The following YBX1 variants were observed in gnomAD, a reference collection of about 807,000 sequenced individuals.
The protein encoded by YBX1 is Y-box binding protein 1.
A neutral mutation model predicts 41.4 loss-of-function variants in YBX1; 3 were observed. That is an observed-to-expected ratio of 0.07 (90% CI 0.03 to 0.19). YBX1 has a LOEUF of 0.19. YBX1 is among the 10% of genes least tolerant of loss of function. The pLI is 1.00. For missense variants in YBX1, 274 were observed against 462.8 expected, an observed-to-expected ratio of 0.59 and a Z score of 3.74; for synonymous variants, 133 against 165.8, an observed-to-expected ratio of 0.80 and a Z score of 1.52.
intron 2 of YBX1, 108 bp downstream of exon 2, chr1:42,683,574 C>A (rs1373729971): frequency 2.5e-6 from 3 of 1,186,324 alleles, no homozygotes; most frequent in Non-Finnish European, 2.5e-6. Flanking sequence ...TTCTGAAAGG[C>A]GTTTACTACC....
rs1314131543 is a variant in YBX1, at chr1:42,702,744, A to G, written c.*795A>G. Among the ~76,000 whole-genome samples the G allele has an allele frequency of 3.3e-5, 5 of 152,342 alleles. No individual in the cohort carries two copies. The highest frequency in any genetic ancestry group is 3.9e-4 in the East Asian group (2 of 5,190). On this transcript the variant is annotated 3_prime_UTR_variant, in exon 8 of 8. Transcript: ENST00000321358. ...TTCAGTGTGTCAATTGAAGATGCCA[A>G]TTGAAGTGTTAGGACAACCTGTCAC...
chr1:42,693,758 T>C (rs1650395850), intron 3 of YBX1, among the ~76,000 whole-genome samples: 2 of 152,228 alleles, frequency 1.3e-5, no homozygotes, highest in African/African-American at 4.8e-5. Flanking sequence ...CTTTCTCAAA[T>C]GTTGAGTCAA....
At chr1:42,689,362 AGTTTTTATAACCACAGGATT>A (rs1434373638) in intron 2 of YBX1, among the ~76,000 whole-genome samples, 1 of 152,166 alleles carries the variant, frequency 6.6e-6, no homozygotes, top group Non-Finnish European at 1.5e-5. Flanking sequence ...TAAATCCTGG[AGTTTTTATAACCACAGGATT>A]GTAAATTAGT....
At position 42,682,463 on chromosome 1, in the gene YBX1, G is replaced by A. The variant is rs1386682907; in HGVS notation, c.-103G>A. 9.5e-6 allele frequency: 12 copies of A among 1,261,236 alleles called. No individual in the cohort carries two copies. Among genetic ancestry groups the A allele is most frequent in the Non-Finnish European group, 1.2e-5 (12 of 987,750 alleles). The allele number at this position is 1,261,236 out of a possible 1,614,324, so 78.1% of individuals were successfully genotyped here. The stretch of plus-strand genomic sequence containing the variant: ...TAGCGGGAGCGGAGAGCGGACCCCA[G>A]AGAGCCCTGAGCAGCCCCACCGCCG... On this transcript the variant is annotated 5_prime_UTR_variant, in exon 1 of 8. Coordinates refer to ENST00000321358, the MANE Select transcript of YBX1 (RefSeq NM_004559.5).
In YBX1 at chr1:42,703,800, AC is replaced by A. The variant is rs1473254393; in HGVS notation, c.*1852del. On this transcript the variant is annotated 3_prime_UTR_variant, in exon 8 of 8. Coordinates refer to ENST00000321358, the MANE Select transcript of YBX1 (RefSeq NM_004559.5). ...GTTGCCAACATTAAATGCAGTTTCAACTTAATGATTTTCTGACTTGTGGTTT... is the reference window on the plus strand; with the variant it reads ...GTTGCCAACATTAAATGCAGTTTCAATTAATGATTTTCTGACTTGTGGTTT... Among the ~76,000 whole-genome samples the A allele has an allele frequency of 6.6e-6, 1 of 152,228 alleles. No individual in the cohort carries two copies. Among genetic ancestry groups the A allele is most frequent in the Non-Finnish European group, 1.5e-5 (1 of 68,030 alleles).
At chr1:42,683,828 G>A (rs1347922224) in intron 2 of YBX1, among the ~76,000 whole-genome samples, 1 of 152,082 alleles carries the variant, frequency 6.6e-6, no homozygotes, top group African/African-American at 2.4e-5. Context: ...ATTGAACTCG[G>A]TATTTGAGAA....
chr1:42,702,791 A>G lies in YBX1; in HGVS notation c.*842A>G, dbSNP rs1650636687. ...TCACACTGCCTGGTGTGGTCATCAAATATTGGTTCAGCTCCTTATGTCCTA... is the reference window on the plus strand; with the variant it reads ...TCACACTGCCTGGTGTGGTCATCAAGTATTGGTTCAGCTCCTTATGTCCTA... On this transcript the variant is annotated 3_prime_UTR_variant, in exon 8 of 8. Transcript: ENST00000321358. Among the ~76,000 whole-genome samples the G allele has an allele frequency of 6.6e-6, 1 of 152,222 alleles. No individual in the cohort carries two copies. The highest frequency in any genetic ancestry group is 1.5e-5 in the Non-Finnish European group (1 of 68,046).
At chr1:42,690,210 C>T (rs1291832507) in intron 2 of YBX1, among the ~76,000 whole-genome samples, 4 of 146,144 alleles carry the variant, frequency 2.7e-5, no homozygotes, top group African/African-American at 1.0e-4. Context: ...GACTCCATCT[C>T]AAAAAAAAAT....
chr1:42,695,054 G>A (rs565489775), intron 3 of YBX1, among the ~76,000 whole-genome samples: 1 of 152,360 alleles, frequency 6.6e-6, no homozygotes, highest in African/African-American at 2.4e-5. Flanking sequence ...CTATGTGACA[G>A]TTTAGATGAC....
In YBX1 at chr1:42,682,737, G is replaced by C; in HGVS notation, c.166+6G>C. The C allele has an allele frequency of 8.1e-7, 1 of 1,229,696 alleles. No individual in the cohort carries two copies. The highest frequency in any genetic ancestry group is 1.0e-6 in the Non-Finnish European group (1 of 988,974). The allele number at this position is 1,229,696 out of a possible 1,614,324, so 76.2% of individuals were successfully genotyped here. On this transcript the variant is annotated splice_donor_region_variant and intron_variant, in intron 1 of 7. Transcript: ENST00000321358. Reference sequence around the variant, plus strand: ...CGGGGACAAGAAGGTCATCGGTGAGGACCGGACAGGGACGGGGGTGGGGCC... The same window carrying C: ...CGGGGACAAGAAGGTCATCGGTGAGCACCGGACAGGGACGGGGGTGGGGCC...
At chr1:42,686,914 GC>G (rs1330971406) in intron 2 of YBX1, among the ~76,000 whole-genome samples, 1 of 152,130 alleles carries the variant, frequency 6.6e-6, no homozygotes, top group Non-Finnish European at 1.5e-5. Context: ...CTGCTCTTAT[GC>G]TGTCTCTGAA....
At chr1:42,684,700 C>T (rs116720403) in intron 2 of YBX1, among the ~76,000 whole-genome samples, 96 of 152,268 alleles carry the variant, frequency 6.3e-4, no homozygotes, top group African/African-American at 2.1e-3. Flanking sequence ...GCTTTCCTGG[C>T]TGGCCGAAAC....
In YBX1 at chr1:42,696,599, T is replaced by A. The variant is rs1276249102; in HGVS notation, c.355-43T>A. 1 of 1,418,312 alleles carries A rather than the reference T, an allele frequency of 7.1e-7. No individual in the cohort carries two copies. The highest frequency in any genetic ancestry group is 9.3e-7 in the Non-Finnish European group (1 of 1,074,452). The allele number at this position is 1,418,312 out of a possible 1,614,324, so 87.9% of individuals were successfully genotyped here. A position where few individuals can be genotyped will look rare whatever the true frequency, so the allele number is the denominator to read the frequency against. On this transcript the variant is annotated intron_variant, in intron 4 of 7. Transcript: ENST00000321358. The surrounding 1 kb of genome is among the most constrained non-coding windows in gnomAD (Gnocchi z 5.7). ...TTCCTTTTGAAAGTGTTGAAAGTGT[T>A]CTGATTTCCTTTGTCACTATCAATA...
chr1:42,686,412 T>C (rs1375187672), intron 2 of YBX1, among the ~76,000 whole-genome samples: 1 of 152,224 alleles, frequency 6.6e-6, no homozygotes, highest in Non-Finnish European at 1.5e-5. Context: ...GAACTTTAGC[T>C]GGCTTTGGGG....
chr1:42,696,176 T>C lies in YBX1; in HGVS notation c.265-23T>C, dbSNP rs1302982906. ...CACATTATTCTCCCCTGTTAATCTATTTTTGGAATGTGATATTACTAGACT... is the reference window on the plus strand; with the variant it reads ...CACATTATTCTCCCCTGTTAATCTACTTTTGGAATGTGATATTACTAGACT... On this transcript the variant is annotated intron_variant, in intron 3 of 7. Transcript: ENST00000321358. The surrounding 1 kb of genome is among the most constrained non-coding windows in gnomAD (Gnocchi z 5.7). 6.3e-7 allele frequency: 1 copy of C among 1,581,574 alleles called. No homozygotes were observed. The highest frequency in any genetic ancestry group is 1.2e-5 in the South Asian group (1 of 86,956).
intron 2 of YBX1, among the ~76,000 whole-genome samples, chr1:42,689,873 G>A (rs1475001862): frequency 6.6e-6 from 1 of 152,152 alleles, no homozygotes; most frequent in African/African-American, 2.4e-5. Flanking sequence ...GTAGCAATTA[G>A]ATTTTAATTT....
intron 2 of YBX1, among the ~76,000 whole-genome samples, chr1:42,692,753 G>GCT (rs1647807266): frequency 6.6e-6 from 1 of 152,190 alleles, no homozygotes; most frequent in African/African-American, 2.4e-5. Context: ...GGTGATTCTT[G>GCT]CTCCTCGTGT....
intron 2 of YBX1, among the ~76,000 whole-genome samples, chr1:42,692,904 C>T (rs551134754): frequency 6.1e-4 from 93 of 152,360 alleles, no homozygotes; most frequent in Non-Finnish European, 1.1e-3. Context: ...GCTCCGTGGT[C>T]TAAACCTTCA....
chr1:42,688,854 C>T (rs1021082425), intron 2 of YBX1, among the ~76,000 whole-genome samples: 2 of 152,220 alleles, frequency 1.3e-5, no homozygotes, highest in African/African-American at 2.4e-5. Flanking sequence ...CATGTATTTT[C>T]TCTTACAACT....
Sources: allele counts gnomAD v4.1 joint callset (sites outside exome capture counted in the v4.1 genomes callset), GRCh38; gene constraint gnomAD v4.1.1; non-coding constraint Gnocchi (gnomAD v3.1); transcripts MANE v1.5; gene names NCBI Gene and HGNC (gene_info 2026-07-23, HGNC 2026-07-21).